Variants in ACAA1 observed in about 807,000 individuals in gnomAD.
ACAA1 encodes the protein acetyl-CoA acyltransferase 1, also known as 3-ketoacyl-CoA thiolase, peroxisomal.
A neutral mutation model predicts 48.8 loss-of-function variants in ACAA1; 44 were observed. The observed-to-expected ratio is 0.90, with a 90% confidence interval of 0.71 to 1.16. The LOEUF is 1.16. ACAA1 is among the 50% of genes most tolerant of loss of function. The probability of loss-of-function intolerance (pLI) is 0.00; values close to 1 mark genes in which losing one functional copy is unlikely to be tolerated. For synonymous variants in ACAA1, 233 were observed against 226.5 expected (o/e 1.03, Z -0.26); for missense variants, 512 against 562.3 (o/e 0.91, Z 0.90).
At position 38,128,502 on chromosome 3, in the gene ACAA1, C is replaced by T. The variant is rs546508883; in HGVS notation, c.546-636G>A. ...TCCAAGCCTCAGTCTCCTCATATGT[C>T]TAGTGGATCCAGGACTCCTGGCCCA... On this transcript the variant is annotated intron_variant, in intron 6 of 11. Coordinates refer to ENST00000333167, the MANE Select transcript of ACAA1 (RefSeq NM_001607.4). Among the ~76,000 whole-genome samples the T allele has an allele frequency of 5.3e-5, 8 of 152,354 alleles. No homozygotes were observed. In the East Asian group the frequency reaches 1.5e-3, roughly 29 times the overall value.
At chr3:38,127,929 T>C in intron 6 of ACAA1, 63 bp from the exon 7 acceptor site, 1 of 1,563,858 alleles carries the variant, frequency 6.4e-7, no homozygotes, top group Non-Finnish European at 8.8e-7. Flanking sequence ...GGGACCAGGC[T>C]GTAGAGCTGT....
intron 11 of ACAA1, chr3:38,124,018 A>C (rs1297758429): frequency 1.3e-5 from 2 of 152,150 alleles, no homozygotes; most frequent in Non-Finnish European, 2.9e-5. Flanking sequence ...GTCAAAAAAA[A>C]AAAAAAATGT....
chr3:38,137,121 A>C lies in ACAA1; in HGVS notation c.-86T>G. 4 of 1,133,848 alleles carry C rather than the reference A, an allele frequency of 3.5e-6. No homozygotes were observed. Among genetic ancestry groups the C allele is most frequent in the Non-Finnish European group, 4.9e-6 (4 of 815,768 alleles). 70.2% of individuals were successfully genotyped at this position (1,133,848 alleles called of 1,614,324 possible). Reference sequence around the variant, plus strand: ...CAGCCGTCCGCACACGCGCAGAACCACATCTCAGCCTCCAAGGCCTCAACT... The same window carrying C: ...CAGCCGTCCGCACACGCGCAGAACCCCATCTCAGCCTCCAAGGCCTCAACT... On this transcript the variant is annotated 5_prime_UTR_variant, in exon 1 of 12. Transcript: ENST00000333167.
rs569171105 is a variant in ACAA1, at chr3:38,129,195, G to T, written c.545+95C>A. The T allele has an allele frequency of 1.7e-6, 2 of 1,153,170 alleles. No individual in the cohort carries two copies. Among genetic ancestry groups the T allele is most frequent in the Admixed American group, 2.0e-5 (1 of 51,168 alleles). 71.4% of individuals were successfully genotyped at this position (1,153,170 alleles called of 1,614,324 possible). On this transcript the variant is annotated intron_variant, in intron 6 of 11. Transcript: ENST00000333167. The surrounding 1 kb of genome is among the most constrained non-coding windows in gnomAD (Gnocchi z 5.3). ...CCATGCCCAAAGGAAGGAGGCCAAG[G>T]CTTGGCACCACCAGCCACAGAGATG...
At position 38,126,424 on chromosome 3, in the gene ACAA1, G is replaced by A; in HGVS notation, c.818-83C>T. 1.9e-6 allele frequency: 3 copies of A among 1,608,410 alleles called. No individual in the cohort carries two copies. The highest frequency in any genetic ancestry group is 2.6e-6 in the Non-Finnish European group (3 of 1,176,352). On this transcript the variant is annotated intron_variant, in intron 8 of 11. Coordinates refer to ENST00000333167, the MANE Select transcript of ACAA1 (RefSeq NM_001607.4). The surrounding 1 kb of genome is among the most constrained non-coding windows in gnomAD (Gnocchi z 4.7). The stretch of plus-strand genomic sequence containing the variant: ...CCTCCCACTTCTACTTTGCAGAGGG[G>A]CCTGGTCTATTCCAGGTTCCCAGAG...
rs888688864 is a variant in ACAA1 at position 38,136,888 on chromosome 3, G to A, written c.148C>T (p.Arg50Trp). Residue 50 changes from arginine to tryptophan, a missense_variant, in exon 1 of 12, where the codon CGG (arginine) becomes TGG (tryptophan). Coordinates refer to ENST00000333167, the MANE Select transcript of ACAA1 (RefSeq NM_001607.4). ...VVHGRRTAIC[R>W]AGRGGFKDTT... ...ACCTTGAAGCCGCCGCGGCCCGCCC[G>A]GCAGATGGCCGTGCGCCGCCCGTGC... The A allele has an allele frequency of 2.6e-6, 4 of 1,527,860 alleles. No individual in the cohort carries two copies. Among genetic ancestry groups the A allele is most frequent in the South Asian group, 1.2e-5 (1 of 83,292 alleles). 94.6% of individuals were successfully genotyped at this position (1,527,860 alleles called of 1,614,324 possible).
intron 1 of ACAA1, 27 bp downstream of exon 1, chr3:38,136,838 C>G (rs2125772748): frequency 1.3e-6 from 2 of 1,498,242 alleles, no homozygotes; most frequent in East Asian, 5.1e-5. Flanking sequence ...TCTTCCCACA[C>G]TCGGCGCCCA....
At position 38,122,724 on chromosome 3, in the gene ACAA1, G is replaced by A; in HGVS notation, c.*323C>T. 2 of 1,355,468 alleles carry A rather than the reference G, an allele frequency of 1.5e-6. No individual in the cohort carries two copies. The highest frequency in any genetic ancestry group is 2.6e-4 in the Middle Eastern group (1 of 3,820). The allele number at this position is 1,355,468 out of a possible 1,614,324, so 84.0% of individuals were successfully genotyped here. A position where few individuals can be genotyped will look rare whatever the true frequency, so the allele number is the denominator to read the frequency against. ...ACCACAGCCACTAAGATAAATTCAT[G>A]CACTTTTACTATGCCCATTGCACTT... is the stretch of plus-strand genomic sequence containing the variant. On this transcript the variant is annotated 3_prime_UTR_variant, in exon 12 of 12. Transcript: ENST00000333167.
chr3:38,127,915 G>A (rs1265343074), intron 6 of ACAA1, 49 bp from the exon 7 acceptor site: 17 of 1,591,000 alleles, frequency 1.1e-5, no homozygotes, highest in Non-Finnish European at 1.5e-5. Context: ...ACAGCCTAGA[G>A]GAAGGGACCA....
rs1003545590 is a variant in ACAA1, at chr3:38,136,994, C to T, written c.42G>A (p.Pro14=). 12 of 1,564,488 alleles carry T rather than the reference C, an allele frequency of 7.7e-6. No individual in the cohort carries two copies. The African/African-American group carries it at 1.4e-4, about 18-fold the overall frequency. The part of the protein sequence containing the change: ...LQVVLGHLRG[P]ADSGWMPQAA... Reference sequence around the variant, plus strand: ...CCTGCGGCATCCAGCCGGAATCGGCCGGACCCCTCAGGTGGCCCAGCACTA... The same window carrying T: ...CCTGCGGCATCCAGCCGGAATCGGCTGGACCCCTCAGGTGGCCCAGCACTA... Residue 14 remains proline (P), a synonymous_variant, in exon 1 of 12, where the codon CCG becomes CCA. Coordinates refer to ENST00000333167, the MANE Select transcript of ACAA1 (RefSeq NM_001607.4).
At position 38,126,361 on chromosome 3, in the gene ACAA1, G is replaced by C. The variant is rs1326872900; in HGVS notation, c.818-20C>G. The C allele has an allele frequency of 6.2e-7, 1 of 1,611,626 alleles. No individual in the cohort carries two copies. The highest frequency in any genetic ancestry group is 8.5e-7 in the Non-Finnish European group (1 of 1,178,488). ...AGTTTCCTAGGGGCAAACTGTTGGGGTAAGAAGGCATCGGGGTGGGGATGA... is the reference window on the plus strand; with the variant it reads ...AGTTTCCTAGGGGCAAACTGTTGGGCTAAGAAGGCATCGGGGTGGGGATGA... On this transcript the variant is annotated intron_variant, in intron 8 of 11. Coordinates refer to ENST00000333167, the MANE Select transcript of ACAA1 (RefSeq NM_001607.4). The surrounding 1 kb of genome is among the most constrained non-coding windows in gnomAD (Gnocchi z 4.7).
In ACAA1 at chr3:38,137,102, T is replaced by A; in HGVS notation, c.-67A>T. ...TGACCGCGGAGTTAACAGACAGCCG[T>A]CCGCACACGCGCAGAACCACATCTC... On this transcript the variant is annotated 5_prime_UTR_variant, in exon 1 of 12. Transcript: ENST00000333167. 2 of 1,309,564 alleles carry A rather than the reference T, an allele frequency of 1.5e-6. No individual in the cohort carries two copies. Among genetic ancestry groups the A allele is most frequent in the Non-Finnish European group, 2.1e-6 (2 of 967,072 alleles). The allele number at this position is 1,309,564 out of a possible 1,614,324, so 81.1% of individuals were successfully genotyped here.
intron 11 of ACAA1, chr3:38,123,739 A>T (rs1700599344): frequency 6.6e-6 from 1 of 152,324 alleles, no homozygotes; most frequent in East Asian, 1.9e-4. Context: ...GTGGTGGCTC[A>T]AACCTGTAAT....
rs768115622 is a variant in ACAA1 at position 38,131,591 on chromosome 3, C to A, written c.446+5G>T. The A allele has an allele frequency of 1.9e-6, 3 of 1,614,142 alleles. No individual in the cohort carries two copies. The Admixed American group carries it at 5.0e-5, about 27-fold the overall frequency. On this transcript the variant is annotated splice_donor_5th_base_variant and intron_variant, in intron 5 of 11. Coordinates refer to ENST00000333167, the MANE Select transcript of ACAA1 (RefSeq NM_001607.4). ...TAATAAGCTCCGGCAGAAAAAAATTCTTACCCACAGGCCATGCCAATGTCA... is the reference window on the plus strand; with the variant it reads ...TAATAAGCTCCGGCAGAAAAAAATTATTACCCACAGGCCATGCCAATGTCA...
chr3:38,125,456 G>T, intron 11 of ACAA1, 109 bp downstream of exon 11: 1 of 1,359,086 alleles, frequency 7.4e-7, no homozygotes, highest in Non-Finnish European at 1.0e-6. Context: ...GCTCAGGACT[G>T]TGTCTGTCGA....
Position 38,126,247 on chromosome 3 carries a change from C to G in ACAA1, c.912G>C (p.Leu304=), listed in dbSNP as rs1416084196. ...EELGLPILGV[L]RSYAVVGVPP... is the part of the protein sequence containing the mutation. ...GGACCCCAACCACTGCATAAGACCT[C>G]AGGACCCCAAGGATGGGAAGGCCCA... Residue 304 remains leucine (L), a synonymous_variant, in exon 9 of 12, where the codon CTG becomes CTC. Transcript: ENST00000333167. This position sits in a 1 kb window ranked among gnomAD's most constrained non-coding sequence, Gnocchi z 4.7. 1 of 1,614,182 alleles carries G rather than the reference C, an allele frequency of 6.2e-7. No individual in the cohort carries two copies. Among genetic ancestry groups the G allele is most frequent in the East Asian group, 2.2e-5 (1 of 44,888 alleles).
Position 38,126,098 on chromosome 3 carries a change from C to G in ACAA1, c.997+64G>C. 6.4e-7 allele frequency: 1 copy of G among 1,567,582 alleles called. No homozygotes were observed. Among genetic ancestry groups the G allele is most frequent in the Non-Finnish European group, 8.7e-7 (1 of 1,150,898 alleles). On this transcript the variant is annotated intron_variant, in intron 9 of 11. Transcript: ENST00000333167. This position sits in a 1 kb window ranked among gnomAD's most constrained non-coding sequence, Gnocchi z 4.7. ...AGGACCACCCTCATGCCCCTGGCAA[C>G]AGCATGCAGGGCAGCTGCAGGATCC...
intron 3 of ACAA1, 132 bp downstream of exon 3, chr3:38,133,820 A>G: frequency 1.2e-6 from 1 of 835,056 alleles, no homozygotes; most frequent in Non-Finnish European, 2.0e-6. Context: ...AAGAGCAGGG[A>G]GCCAAGGACT....
intron 7 of ACAA1, chr3:38,127,584 A>G: frequency 3.3e-6 from 2 of 602,888 alleles, no homozygotes; most frequent in South Asian, 3.8e-5. Flanking sequence ...GGGTGAACAG[A>G]CAGTAATAGA....
Sources: gnomAD v4.1 joint callset for allele counts (sites outside exome capture counted in the v4.1 genomes callset) on GRCh38, gnomAD v4.1.1 for gene constraint, Gnocchi (gnomAD v3.1) non-coding constraint, MANE v1.5 for transcripts, NCBI Gene and HGNC (gene_info 2026-07-23, HGNC 2026-07-21) for gene names.